The following PKP1 variants were observed in gnomAD, a reference collection of about 807,000 sequenced individuals.
PKP1 encodes plakophilin-1.
A neutral mutation model predicts 76.4 loss-of-function variants in PKP1; 27 were observed. The observed-to-expected ratio is 0.35, with a 90% CI of 0.26 to 0.49. The LOEUF (loss-of-function observed/expected upper bound fraction) is 0.49, where lower values mean the gene tolerates loss of function less well. Among genes scored for constraint, PKP1 ranks in the 20% least tolerant of loss-of-function variants. The pLI, the probability that PKP1 is intolerant of heterozygous loss-of-function variation, is 0.99. For missense variants in PKP1, 964 were observed against 955.2 expected (o/e 1.01, Z -0.12); for synonymous variants, 404 against 384.2 (o/e 1.05, Z -0.60).
chr1:201,327,171 C>G (rs1657150509), intron 12 of PKP1, among the ~76,000 whole-genome samples: 2 of 152,116 alleles, frequency 1.3e-5, no homozygotes, highest in South Asian at 4.1e-4. Flanking sequence ...GAAAAAGGAG[C>G]AAAACAGTGG....
chr1:201,309,026 T>G (rs1181160200), intron 2 of PKP1, among the ~76,000 whole-genome samples: 1 of 152,078 alleles, frequency 6.6e-6, no homozygotes, highest in Non-Finnish European at 1.5e-5. Context: ...GGTTAGTTAC[T>G]GCCCTATCCG....
intron 3 of PKP1, among the ~76,000 whole-genome samples, chr1:201,314,718 G>A (rs375316677): frequency 1.2e-4 from 18 of 152,182 alleles, no homozygotes; most frequent in South Asian, 6.2e-4. Context: ...ACCACCTACT[G>A]CTCTTGTTAT....
chr1:201,291,167 A>G (rs1381257997), intron 1 of PKP1, among the ~76,000 whole-genome samples: 2 of 152,096 alleles, frequency 1.3e-5, no homozygotes, highest in African/African-American at 2.4e-5. Flanking sequence ...CTCCGCCCCA[A>G]ATACTGTCAC....
intron 2 of PKP1, among the ~76,000 whole-genome samples, chr1:201,305,111 AGTGTGTGTCC>A (rs954042250): frequency 1.9e-4 from 29 of 152,128 alleles, no homozygotes; most frequent in Non-Finnish European, 3.1e-4. Flanking sequence ...TGCATATAGA[AGTGTGTGTCC>A]GTGTGTGTGA....
chr1:201,311,800 TG>T (rs1280420842), intron 2 of PKP1, among the ~76,000 whole-genome samples: 18 of 152,214 alleles, frequency 1.2e-4, no homozygotes, highest in Admixed American at 1.1e-3. Context: ...TGTGTGGAGA[TG>T]TTTTTTTATC....
chr1:201,320,873 G>A (rs1313551482), intron 7 of PKP1, among the ~76,000 whole-genome samples: 4 of 152,140 alleles, frequency 2.6e-5, no homozygotes, highest in Non-Finnish European at 5.9e-5. Context: ...CCTGAGATGA[G>A]GCTCCTTCTG....
intron 2 of PKP1, among the ~76,000 whole-genome samples, chr1:201,308,455 A>G (rs1051717430): frequency 1.3e-5 from 2 of 152,228 alleles, no homozygotes; most frequent in African/African-American, 4.8e-5. Flanking sequence ...ATTAGCAACT[A>G]GAAAACAAAC....
At chr1:201,312,360 G>A (rs909726718) in intron 2 of PKP1, among the ~76,000 whole-genome samples, 1 of 152,212 alleles carries the variant, frequency 6.6e-6, no homozygotes, top group African/African-American at 2.4e-5. Context: ...TGTGTGAGAA[G>A]CTGCTGGTGT....
Position 201,293,947 on chromosome 1 carries a change from A to G in PKP1, c.208A>G (p.Met70Val), listed in dbSNP as rs777570553. ...TCCCCTCCTTTCTCCTCTAGGTTCCATGTATGATGGCTTGGCTGACAATTA... is the reference window on the plus strand; with the variant it reads ...TCCCCTCCTTTCTCCTCTAGGTTCCGTGTATGATGGCTTGGCTGACAATTA... ...STLSHSNRGS[M>V]YDGLADNYNY... Residue 70 changes from methionine to valine, a missense_variant, in exon 2 of 14, where the codon ATG (methionine) becomes GTG (valine). Transcript: ENST00000367324. The G allele has an allele frequency of 3.2e-5, 51 of 1,610,472 alleles. No individual in the cohort carries two copies. The highest frequency in any genetic ancestry group is 4.2e-5 in the Non-Finnish European group (49 of 1,177,258).
chr1:201,296,884 C>T (rs1034776645), intron 2 of PKP1, among the ~76,000 whole-genome samples: 2 of 152,170 alleles, frequency 1.3e-5, no homozygotes, highest in African/African-American at 4.8e-5. Flanking sequence ...ACTTGGAGCA[C>T]CTCACTCCTC....
chr1:201,305,130 G>A lies in PKP1; in HGVS notation c.307-8036G>A, dbSNP rs1252785860. Among the ~76,000 whole-genome samples, 10 of 152,338 alleles carry A rather than the reference G, an allele frequency of 6.6e-5. No individual in the cohort carries two copies. The South Asian group carries it at 1.7e-3, about 25-fold the overall frequency. Reference sequence around the variant, plus strand: ...TATAGAAGTGTGTGTCCGTGTGTGTGAGCATGCATGCACGCATGCTTCTCT... The same window carrying A: ...TATAGAAGTGTGTGTCCGTGTGTGTAAGCATGCATGCACGCATGCTTCTCT... On this transcript the variant is annotated intron_variant, in intron 2 of 13. Coordinates refer to ENST00000367324, the MANE Select transcript of PKP1 (RefSeq NM_001005337.3).
intron 3 of PKP1, among the ~76,000 whole-genome samples, chr1:201,314,707 C>T (rs1656672767): frequency 1.3e-5 from 2 of 152,252 alleles, no homozygotes; most frequent in African/African-American, 2.4e-5. Flanking sequence ...TGTCCTTCAT[C>T]ACCACCTACT....
chr1:201,324,956 C>T lies in PKP1; in HGVS notation c.1850C>T (p.Pro617Leu), dbSNP rs754339313. ...LHRVMGNQVFPEVTRLLTSHT... is the reference protein window; with the variant it reads ...LHRVMGNQVFLEVTRLLTSHT... The stretch of plus-strand genomic sequence containing the variant: ...CCTCTCCCAGGGAACCAGGTGTTCC[C>T]GGAGGTGACCAGGCTCCTCACCAGC... The change falls in exon 11 of 14, where the codon CCG becomes CTG. Residue 617 changes from proline to leucine, a missense_variant. Coordinates refer to ENST00000367324, the MANE Select transcript of PKP1 (RefSeq NM_001005337.3). The T allele has an allele frequency of 1.1e-5, 18 of 1,613,464 alleles. No homozygotes were observed. The highest frequency in any genetic ancestry group is 8.9e-5 in the East Asian group (4 of 44,900).
chr1:201,299,863 C>G (rs1224267136), intron 2 of PKP1, among the ~76,000 whole-genome samples: 1 of 152,234 alleles, frequency 6.6e-6, no homozygotes, highest in Admixed American at 6.5e-5. Context: ...TGTCTCAGCT[C>G]CAAATGCCAC....
At chr1:201,312,725 T>C (rs903776620) in intron 2 of PKP1, among the ~76,000 whole-genome samples, 1 of 152,210 alleles carries the variant, frequency 6.6e-6, no homozygotes, top group African/African-American at 2.4e-5. Flanking sequence ...AGCATGGGGC[T>C]CTGATACTGG....
intron 2 of PKP1, among the ~76,000 whole-genome samples, chr1:201,309,190 G>A (rs73074615): frequency 0.018 from 2,701 of 152,032 alleles, 85 homozygotes; most frequent in African/African-American, 0.062. Flanking sequence ...TATAAAGGAG[G>A]GGTTGGCCTC....
rs374293363 is a variant in PKP1, at chr1:201,322,020, C to T, written c.1390C>T (p.Arg464Cys). ...CMCVLHNLSY[R>C]LDAEVPTRYR... ...GTGTGTTCTGCACAACCTCTCCTAC[C>T]GCCTGGACGCCGAGGTGCCCACCCG... is the stretch of plus-strand genomic sequence containing the variant. The change falls in exon 8 of 14, where the codon CGC (arginine) becomes TGC (cysteine). Residue 464 changes from arginine to cysteine, a missense_variant. Physicochemically the swap from Arg to Cys is radical, Grantham distance 180. Transcript: ENST00000367324. 3.8e-5 allele frequency: 62 copies of T among 1,613,980 alleles called. 1 individual carries two copies. In the Middle Eastern group the frequency reaches 4.9e-4, roughly 13 times the overall value.
In PKP1 at chr1:201,326,300, C is replaced by T. The variant is rs547045714; in HGVS notation, c.2106+462C>T. On this transcript the variant is annotated intron_variant, in intron 12 of 13. Coordinates refer to ENST00000367324, the MANE Select transcript of PKP1 (RefSeq NM_001005337.3). ...ATAGAGGGTTTCATGATCAAAGCAG[C>T]ACCAAAGCTCACCCTGTGAGCAAGG... Among the ~76,000 whole-genome samples, 6 of 152,318 alleles carry T rather than the reference C, an allele frequency of 3.9e-5. No individual in the cohort carries two copies. In the South Asian group the frequency reaches 1.2e-3, roughly 32 times the overall value.
At chr1:201,310,217 G>A (rs1444215655) in intron 2 of PKP1, among the ~76,000 whole-genome samples, 2 of 152,214 alleles carry the variant, frequency 1.3e-5, no homozygotes, top group Admixed American at 6.5e-5. Context: ...TGTCCCTACC[G>A]AGCAAACACT....
Sources: gnomAD v4.1 joint callset for allele counts (sites outside exome capture counted in the v4.1 genomes callset) on GRCh38, gnomAD v4.1.1 for gene constraint, MANE v1.5 for transcripts, NCBI Gene and HGNC (gene_info 2026-07-23, HGNC 2026-07-21) for gene names.